The following EPHA6 variants were observed in gnomAD, a reference collection of about 807,000 sequenced individuals.
The protein encoded by EPHA6 is ephrin type-A receptor 6.
Under a neutral mutation model 112.0 loss-of-function variants are expected in EPHA6, and 50 were observed. That is an observed-to-expected ratio of 0.45 (90% CI 0.36 to 0.56). The LOEUF (loss-of-function observed/expected upper bound fraction) is 0.56. EPHA6 is among the 20% of genes least tolerant of loss of function. The pLI is 0.00. For synonymous variants in EPHA6, 529 were observed against 490.7 expected (o/e 1.08, Z -1.03); for missense variants, 1,280 against 1,417.4 (o/e 0.90, Z 1.56).
At chr3:97,726,033 CA>C (rs2034753233) in intron 15 of EPHA6, among the ~76,000 whole-genome samples, 1 of 152,092 alleles carries the variant, frequency 6.6e-6, no homozygotes, top group Non-Finnish European at 1.5e-5. Context: ...GGTGTTTAAT[CA>C]ATGGTAATAA....
intron 3 of EPHA6, among the ~76,000 whole-genome samples, chr3:97,039,597 T>C (rs2045242838): frequency 6.6e-6 from 1 of 152,088 alleles, no homozygotes; most frequent in South Asian, 2.1e-4. Context: ...TATGTAGTTT[T>C]GTTTTATTTT....
intron 14 of EPHA6, among the ~76,000 whole-genome samples, chr3:97,658,164 T>C (rs1301626039): frequency 6.6e-6 from 1 of 151,944 alleles, no homozygotes; most frequent in Non-Finnish European, 1.5e-5. Flanking sequence ...TTAGTTTCTA[T>C]TATAAGATAG....
At chr3:97,475,740 T>C (rs577945694) in intron 8 of EPHA6, among the ~76,000 whole-genome samples, 2 of 152,184 alleles carry the variant, frequency 1.3e-5, no homozygotes, top group Admixed American at 6.5e-5. Context: ...TCAAATTACA[T>C]CATAAAAAAT....
chr3:97,203,868 G>A (rs2077642882), intron 3 of EPHA6, among the ~76,000 whole-genome samples: 1 of 152,098 alleles, frequency 6.6e-6, no homozygotes, highest in Admixed American at 6.6e-5. Flanking sequence ...AATAATGGCT[G>A]ATATACCTAA....
At chr3:97,376,450 A>G (rs1195040820) in intron 5 of EPHA6, among the ~76,000 whole-genome samples, 1 of 152,208 alleles carries the variant, frequency 6.6e-6, no homozygotes, top group Non-Finnish European at 1.5e-5. Context: ...GAAAACAAAA[A>G]AAACAACATG....
rs184001043 is a variant in EPHA6 at position 97,053,904 on chromosome 3, A to G, written c.1114+65911A>G. 2.2e-4 allele frequency among the ~76,000 whole-genome samples: 34 copies of G among 152,152 alleles called. 1 individual carries two copies. The highest frequency in any genetic ancestry group is 3.4e-3 in the Middle Eastern group (1 of 294). Reference sequence around the variant, plus strand: ...TATCTTAGAGAAACGCTCAAATTATATAATTTCAGGACAAACACAATCTTG... The same window carrying G: ...TATCTTAGAGAAACGCTCAAATTATGTAATTTCAGGACAAACACAATCTTG... On this transcript the variant is annotated intron_variant, in intron 3 of 17. Transcript: ENST00000389672.
chr3:97,106,762 G>A (rs535330892), intron 3 of EPHA6, among the ~76,000 whole-genome samples: 62 of 152,188 alleles, frequency 4.1e-4, no homozygotes, highest in African/African-American at 5.3e-4. Context: ...ACTTACTGCC[G>A]AGGGGTCGGA....
chr3:96,906,689 A>T lies in EPHA6; in HGVS notation c.450+39800A>T, dbSNP rs148959632. 4.5e-3 allele frequency among the ~76,000 whole-genome samples: 685 copies of T among 152,174 alleles called. 8 individuals carry two copies. The highest frequency in any genetic ancestry group is 0.016 in the African/African-American group (659 of 41,534). On this transcript the variant is annotated intron_variant, in intron 2 of 17. Transcript: ENST00000389672. ...TGCTCGTTGTGGTCAATGAGACTACATAGCAGCTGCAGAATCCCATAGTAG... is the reference window on the plus strand; with the variant it reads ...TGCTCGTTGTGGTCAATGAGACTACTTAGCAGCTGCAGAATCCCATAGTAG...
At chr3:96,943,424 C>A (rs1032639729) in intron 2 of EPHA6, among the ~76,000 whole-genome samples, 2 of 151,948 alleles carry the variant, frequency 1.3e-5, no homozygotes, top group Admixed American at 6.6e-5. Context: ...CAATTAAAAA[C>A]AAACAAAAAC....
intron 5 of EPHA6, among the ~76,000 whole-genome samples, chr3:97,327,957 GTGTGTATATATATGTATA>G (rs1418795337): frequency 7.5e-6 from 1 of 133,204 alleles, no homozygotes; most frequent in Non-Finnish European, 1.5e-5. Flanking sequence ...ATATGTATCT[GTGTGTATATATATGTATA>G]TGTGCATATA....
chr3:97,619,519 C>A lies in EPHA6; in HGVS notation c.2574+8665C>A, dbSNP rs921497831. ...ACATGATCCTATATCTACAAAAGCC[C>A]ATTGTCTCAGCCCAAAATCTTCTTA... On this transcript the variant is annotated intron_variant, in intron 13 of 17. Coordinates refer to ENST00000389672, the MANE Select transcript of EPHA6 (RefSeq NM_001080448.3). Among the ~76,000 whole-genome samples the A allele has an allele frequency of 5.9e-5, 9 of 151,648 alleles. No homozygotes were observed. The East Asian group carries it at 1.7e-3, about 29-fold the overall frequency.
chr3:96,878,464 TAG>T (rs1331367015), intron 2 of EPHA6, among the ~76,000 whole-genome samples: 2 of 152,012 alleles, frequency 1.3e-5, no homozygotes, highest in East Asian at 1.9e-4. Context: ...TGTAATTTAT[TAG>T]AGAGTAGTAA....
At chr3:97,494,883 C>A (rs1261990434) in intron 10 of EPHA6, among the ~76,000 whole-genome samples, 1 of 152,278 alleles carries the variant, frequency 6.6e-6, no homozygotes, top group Non-Finnish European at 1.5e-5. Flanking sequence ...TTGTCTAAAT[C>A]TTTTCAACCA....
At position 97,749,824 on chromosome 3, in the gene EPHA6, A is replaced by G. The variant is rs919696962; in HGVS notation, c.*1123A>G. On this transcript the variant is annotated 3_prime_UTR_variant, in exon 18 of 18. Coordinates refer to ENST00000389672, the MANE Select transcript of EPHA6 (RefSeq NM_001080448.3). Reference sequence around the variant, plus strand: ...GAAGCGTTCTTATGTTTTCTTTGCAAAAATAGTTACATGAACATGCTGAGC... The same window carrying G: ...GAAGCGTTCTTATGTTTTCTTTGCAGAAATAGTTACATGAACATGCTGAGC... 5.3e-5 allele frequency among the ~76,000 whole-genome samples: 8 copies of G among 152,136 alleles called. No homozygotes were observed. Among genetic ancestry groups the G allele is most frequent in the Non-Finnish European group, 1.0e-4 (7 of 68,026 alleles).
intron 10 of EPHA6, among the ~76,000 whole-genome samples, chr3:97,501,331 A>G (rs1431528913): frequency 1.3e-5 from 2 of 152,144 alleles, no homozygotes; most frequent in Non-Finnish European, 2.9e-5. Flanking sequence ...TCTTATGAAT[A>G]TATAGAAACA....
At chr3:97,558,578 G>T (rs1338446253) in intron 11 of EPHA6, among the ~76,000 whole-genome samples, 1 of 151,494 alleles carries the variant, frequency 6.6e-6, no homozygotes, top group East Asian at 1.9e-4. Flanking sequence ...ATATATAATT[G>T]TCTCTATGCA....
chr3:96,911,884 CT>C (rs2039234593), intron 2 of EPHA6, among the ~76,000 whole-genome samples: 1 of 151,934 alleles, frequency 6.6e-6, no homozygotes, highest in African/African-American at 2.4e-5. Context: ...ATTTTTGATA[CT>C]ATTTTTCTAA....
At chr3:97,344,384 G>C (rs891740773) in intron 5 of EPHA6, among the ~76,000 whole-genome samples, 2 of 152,084 alleles carry the variant, frequency 1.3e-5, no homozygotes, top group Admixed American at 1.3e-4. Flanking sequence ...TTGGAGGTGA[G>C]ACCTTTGGGA....
intron 2 of EPHA6, among the ~76,000 whole-genome samples, chr3:96,965,865 A>G (rs2042105609): frequency 6.6e-6 from 1 of 152,120 alleles, no homozygotes; most frequent in South Asian, 2.1e-4. Flanking sequence ...TTCTTCATAT[A>G]GTAAGCCAGT....
Sources: gnomAD v4.1 joint callset for allele counts (sites outside exome capture counted in the v4.1 genomes callset) on GRCh38, gnomAD v4.1.1 for gene constraint, MANE v1.5 for transcripts, NCBI Gene and HGNC (gene_info 2026-07-23, HGNC 2026-07-21) for gene names.